PRKD1: variants seen among roughly 807,000 people sequenced by gnomAD.
PRKD1 encodes protein kinase D1.
PRKD1 carries 63 observed loss-of-function variants against 95.9 expected under a neutral mutation model. The observed-to-expected ratio is 0.66, with a 90% CI of 0.54 to 0.81. The LOEUF is 0.81. Ranked by LOEUF, PRKD1 falls within the 30% of genes least tolerant of loss-of-function variation. PRKD1 has a pLI of 0.00. For missense variants in PRKD1, 1,048 were observed against 1,165.3 expected (o/e 0.90, Z 1.47); for synonymous variants, 425 against 423.1 (o/e 1.00, Z -0.05).
rs45488305 is a variant in PRKD1, at chr14:29,793,312, AAG to A, written c.265-67640_265-67639del. On this transcript the variant is annotated intron_variant, in intron 1 of 17. Transcript: ENST00000331968. ...AAAAATGTCCACAGGAAAAAACAAA[AAG>A]AGCAAATTTTTCAAAAAACATCCAA... 1.3e-4 allele frequency among the ~76,000 whole-genome samples: 20 copies of A among 152,168 alleles called. No homozygotes were observed. In the East Asian group the frequency reaches 3.7e-3, roughly 28 times the overall value.
chr14:29,676,440 C>T (rs1044203854), intron 2 of PRKD1, among the ~76,000 whole-genome samples: 2 of 152,040 alleles, frequency 1.3e-5, no homozygotes, highest in South Asian at 2.1e-4. Context: ...CTGCAACCTC[C>T]GCCTTCCAGG....
intron 1 of PRKD1, among the ~76,000 whole-genome samples, chr14:29,752,183 A>T (rs1256519911): frequency 6.6e-6 from 1 of 152,204 alleles, no homozygotes; most frequent in Non-Finnish European, 1.5e-5. Flanking sequence ...TTTACAATAA[A>T]TGTGTTTCAC....
rs1347800369 is a variant in PRKD1 at position 29,826,824 on chromosome 14, T to C, written c.264+100425A>G. 2.1e-4 allele frequency among the ~76,000 whole-genome samples: 6 copies of C among 29,240 alleles called. 1 individual carries two copies. The highest frequency in any genetic ancestry group is 2.5e-4 in the Non-Finnish European group (4 of 15,836). The allele number at this position is 29,240 out of a possible 152,430, so 19.2% of individuals were successfully genotyped here. ...ATACACATATATATACACATATATA[T>C]ATATATATATATATACACACATATA... On this transcript the variant is annotated intron_variant, in intron 1 of 17. Coordinates refer to ENST00000331968, the MANE Select transcript of PRKD1 (RefSeq NM_002742.3).
intron 1 of PRKD1, among the ~76,000 whole-genome samples, chr14:29,831,993 A>T (rs1198244678): frequency 6.6e-6 from 1 of 152,138 alleles, no homozygotes; most frequent in Non-Finnish European, 1.5e-5. Flanking sequence ...CTAACATACC[A>T]TATTATTATT....
intron 1 of PRKD1, among the ~76,000 whole-genome samples, chr14:29,769,770 T>A (rs143312218): frequency 2.2e-3 from 337 of 152,350 alleles, no homozygotes; most frequent in Non-Finnish European, 3.8e-3. Flanking sequence ...TAAACTCATA[T>A]GTATGAACAT....
At chr14:29,900,703 A>T (rs1894290554) in intron 1 of PRKD1, among the ~76,000 whole-genome samples, 2 of 152,216 alleles carry the variant, frequency 1.3e-5, no homozygotes, top group Admixed American at 1.3e-4. Flanking sequence ...TAAACAAGAC[A>T]TACAAGCAAC....
intron 1 of PRKD1, among the ~76,000 whole-genome samples, chr14:29,743,907 C>T (rs957395352): frequency 6.6e-6 from 1 of 152,180 alleles, no homozygotes; most frequent in African/African-American, 2.4e-5. Context: ...ATTCTTTTGT[C>T]TTTCCTCCCA....
intron 1 of PRKD1, among the ~76,000 whole-genome samples, chr14:29,845,652 TA>T (rs556663256): frequency 2.0e-5 from 3 of 152,036 alleles, no homozygotes; most frequent in East Asian, 1.9e-4. Flanking sequence ...CTAATACAAC[TA>T]AAAAAAATCA....
At chr14:29,579,136 G>A (rs140394263) in intron 16 of PRKD1, among the ~76,000 whole-genome samples, 2 of 151,758 alleles carry the variant, frequency 1.3e-5, no homozygotes, top group East Asian at 1.9e-4. Flanking sequence ...AATACTCATC[G>A]TTATCTAGTC....
At chr14:29,613,752 A>G (rs1878644799) in intron 13 of PRKD1, among the ~76,000 whole-genome samples, 1 of 152,220 alleles carries the variant, frequency 6.6e-6, no homozygotes, top group African/African-American at 2.4e-5. Context: ...GTAACATATC[A>G]AAGGTTCTCC....
intron 1 of PRKD1, among the ~76,000 whole-genome samples, chr14:29,804,114 C>T (rs1890138396): frequency 1.3e-5 from 2 of 151,714 alleles, no homozygotes; most frequent in Admixed American, 6.6e-5. Context: ...TGGTGGTTGG[C>T]GCCTGTAATC....
At chr14:29,896,365 T>TACACACAC (rs71443337) in intron 1 of PRKD1, among the ~76,000 whole-genome samples, 4 of 147,946 alleles carry the variant, frequency 2.7e-5, no homozygotes, top group Admixed American at 6.7e-5. Flanking sequence ...CATGTGTGTG[T>TACACACAC]ACACACACAC....
intron 12 of PRKD1, 47 bp downstream of exon 12, chr14:29,626,437 C>A (rs1454822207): frequency 6.9e-7 from 1 of 1,456,422 alleles, no homozygotes; most frequent in South Asian, 1.2e-5. Flanking sequence ...TAAAATATAA[C>A]TAGCAAAAAT....
At chr14:29,692,193 G>A (rs1465656988) in intron 2 of PRKD1, among the ~76,000 whole-genome samples, 2 of 143,410 alleles carry the variant, frequency 1.4e-5, no homozygotes, top group African/African-American at 5.5e-5. Flanking sequence ...ATGGAGTTCA[G>A]AAAAAACTTC....
At chr14:29,579,730 G>A (rs1892690766) in intron 16 of PRKD1, among the ~76,000 whole-genome samples, 1 of 152,154 alleles carries the variant, frequency 6.6e-6, no homozygotes, top group African/African-American at 2.4e-5. Context: ...CTGCCCTGAA[G>A]GGCTGTAGAG....
chr14:29,851,425 T>C (rs966836390), intron 1 of PRKD1, among the ~76,000 whole-genome samples: 2 of 151,960 alleles, frequency 1.3e-5, no homozygotes, highest in Admixed American at 1.3e-4. Flanking sequence ...GCAAAAGGCA[T>C]AGACAATTCT....
intron 2 of PRKD1, among the ~76,000 whole-genome samples, chr14:29,667,704 C>T (rs1015039137): frequency 1.3e-5 from 2 of 152,096 alleles, no homozygotes; most frequent in Admixed American, 6.6e-5. Flanking sequence ...TAACTTCTAG[C>T]TTCTCCCCTC....
chr14:29,729,351 T>C (rs2139404698), intron 1 of PRKD1, among the ~76,000 whole-genome samples: 1 of 152,252 alleles, frequency 6.6e-6, no homozygotes, highest in East Asian at 1.9e-4. Flanking sequence ...TCAATATCTG[T>C]ATAGTATACT....
Position 29,826,844 on chromosome 14 carries a change from C to CATATATATACACATATATATATAT in PRKD1, c.264+100404_264+100405insATATATATATATGTGTATATATAT, listed in dbSNP as rs1891207194. Among the ~76,000 whole-genome samples the CATATATATACACATATATATATAT allele has an allele frequency of 1.4e-4, 4 of 28,668 alleles. 1 individual carries two copies. Among genetic ancestry groups the CATATATATACACATATATATATAT allele is most frequent in the African/African-American group, 4.9e-4 (4 of 8,242 alleles). The allele number at this position is 28,668 out of a possible 152,430, so 18.8% of individuals were successfully genotyped here. On this transcript the variant is annotated intron_variant, in intron 1 of 17. Coordinates refer to ENST00000331968, the MANE Select transcript of PRKD1 (RefSeq NM_002742.3). The stretch of plus-strand genomic sequence containing the variant: ...ATATATATATATATATATATACACA[C>CATATATATACACATATATATATAT]ATATATATATATATATATATATATA...
Sources: gnomAD v4.1 joint callset for allele counts (sites outside exome capture counted in the v4.1 genomes callset) on GRCh38, gnomAD v4.1.1 for gene constraint, MANE v1.5 for transcripts, NCBI Gene and HGNC (gene_info 2026-07-23, HGNC 2026-07-21) for gene names.